Variants in TJP3 observed in about 807,000 individuals in gnomAD.
The protein encoded by TJP3 is tight junction protein ZO-3.
Under a neutral mutation model 104.2 loss-of-function variants are expected in TJP3, and 85 were observed. That is an observed-to-expected ratio of 0.82 (90% CI 0.68 to 0.98). The LOEUF (loss-of-function observed/expected upper bound fraction) is 0.98. Ranked by LOEUF, TJP3 falls within the 50% of genes least tolerant of loss-of-function variation. TJP3 has a pLI of 0.00. For synonymous variants in TJP3, 550 were observed against 550.6 expected (o/e 1.00, Z 0.02); for missense variants, 1,367 against 1,322.8 (o/e 1.03, Z -0.52).
chr19:3,716,801 A>ATATATATTTTTTT (rs1421328174), intron 1 of TJP3, among the ~76,000 whole-genome samples: 1 of 81,972 alleles, frequency 1.2e-5, no homozygotes, highest in African/African-American at 4.9e-5. Context: ...ATATATATAT[A>ATATATATTTTTTT]TTTTTTTTTT....
intron 1 of TJP3, among the ~76,000 whole-genome samples, chr19:3,711,551 A>G: frequency 6.6e-6 from 1 of 150,836 alleles, no homozygotes; most frequent in South Asian, 2.1e-4. Context: ...GCTTTATGAT[A>G]TTAAAGGATA....
At chr19:3,717,143 T>C (rs1323863073) in intron 1 of TJP3, among the ~76,000 whole-genome samples, 1 of 146,402 alleles carries the variant, frequency 6.8e-6, no homozygotes, top group Non-Finnish European at 1.5e-5. Context: ...TTTTGTATTT[T>C]TAGTAGAGAC....
Position 3,730,083 on chromosome 19 carries a change from G to C in TJP3, c.214G>C (p.Ala72Pro). The C allele has an allele frequency of 1.2e-6, 2 of 1,614,088 alleles. No individual in the cohort carries two copies. Among genetic ancestry groups the C allele is most frequent in the Non-Finnish European group, 1.7e-6 (2 of 1,180,018 alleles). Reference sequence around the variant, plus strand: ...GGTTTCCATGGAGAATGCCACCTCCGCGTTTGCCATTCAGATACTCAAGAC... The same window carrying C: ...GGTTTCCATGGAGAATGCCACCTCCCCGTTTGCCATTCAGATACTCAAGAC... ...NGVSMENATS[A>P]FAIQILKTCT... Residue 72 changes from alanine to proline, a missense_variant, in exon 4 of 21, where the codon GCG becomes CCG. Physicochemically the swap from Ala to Pro is conservative, Grantham distance 27 (BLOSUM62 -1). Transcript: ENST00000541714. This position sits in a 1 kb window ranked among gnomAD's most constrained non-coding sequence, Gnocchi z 7.3.
intron 1 of TJP3, among the ~76,000 whole-genome samples, chr19:3,719,973 T>C (rs1176101549): frequency 6.6e-6 from 1 of 152,182 alleles, no homozygotes; most frequent in Non-Finnish European, 1.5e-5. Context: ...CTCAAACTCC[T>C]GGCCTCAAGT....
chr19:3,727,045 C>A lies in TJP3; in HGVS notation c.-9-1379C>A, dbSNP rs564194082. Among the ~76,000 whole-genome samples, 196 of 151,944 alleles carry A rather than the reference C, an allele frequency of 1.3e-3. 3 individuals carry two copies. The highest frequency in any genetic ancestry group is 4.4e-3 in the African/African-American group (184 of 41,420). ...GAGGCTGCATTGAACCGTGATCACA[C>A]CACTGCACTCCAGCCTGAGTGACAG... On this transcript the variant is annotated intron_variant, in intron 1 of 20. Transcript: ENST00000541714.
chr19:3,738,651 A>C lies in TJP3; in HGVS notation c.1381A>C (p.Arg461=), dbSNP rs599587. Residue 461 remains arginine, a synonymous_variant, in exon 12 of 21, where the codon AGG becomes CGG. Coordinates refer to ENST00000541714, the MANE Select transcript of TJP3 (RefSeq NM_001267560.2). ...PGEEMELVTQ[R]KQDIFWKMVQ... is the part of the protein sequence containing the mutation. ...CGAGGAGATGGAGCTGGTGACGCAG[A>C]GGAAGCAGGACAGTGAGTGCGCGTG... 1,080,011 of 1,612,510 alleles carry C rather than the reference A, an allele frequency of 0.67. 363,210 individuals are homozygous for C. Among genetic ancestry groups the C allele is most frequent in the Admixed American group, 0.81 (48,493 of 59,962 alleles).
chr19:3,738,105 C>T (rs1281093451), intron 11 of TJP3, among the ~76,000 whole-genome samples: 1 of 101,210 alleles, frequency 9.9e-6, no homozygotes, highest in African/African-American at 3.8e-5. Context: ...TATTGTTGTC[C>T]CTGTCATGAC....
chr19:3,711,788 T>C (rs369252092), intron 1 of TJP3, among the ~76,000 whole-genome samples: 1 of 150,786 alleles, frequency 6.6e-6, no homozygotes, highest in Non-Finnish European at 1.5e-5. Context: ...TTAATTAATA[T>C]GGGAACCGGT....
rs1037582512 is a variant in TJP3, at chr19:3,746,376, T to A, written c.2011-109T>A. 1.9e-5 allele frequency: 23 copies of A among 1,238,760 alleles called. No homozygotes were observed. The South Asian group carries it at 2.1e-4, about 12-fold the overall frequency. The allele number at this position is 1,238,760 out of a possible 1,614,324, so 76.7% of individuals were successfully genotyped here. Reference sequence around the variant, plus strand: ...TCCCCAACTTGCTAGCCTGTGGATGTGAGAGGCTGGGGTCCACTCTGACCT... The same window carrying A: ...TCCCCAACTTGCTAGCCTGTGGATGAGAGAGGCTGGGGTCCACTCTGACCT... On this transcript the variant is annotated intron_variant, in intron 16 of 20. Transcript: ENST00000541714. This position sits in a 1 kb window ranked among gnomAD's most constrained non-coding sequence, Gnocchi z 4.1.
intron 13 of TJP3, 91 bp from the exon 14 acceptor site, chr19:3,740,461 G>A (rs116974840): frequency 0.032 from 24,792 of 767,230 alleles, 497 homozygotes; most frequent in Middle Eastern, 0.071. Context: ...AAAGTGGCCT[G>A]TCCACAGGCT....
chr19:3,733,945 G>C, intron 7 of TJP3, 33 bp downstream of exon 7: 1 of 1,604,144 alleles, frequency 6.2e-7, no homozygotes. Context: ...CTGGGAGGGG[G>C]TTGAATGGAT....
intron 1 of TJP3, among the ~76,000 whole-genome samples, chr19:3,726,057 C>T (rs1271319482): frequency 2.0e-5 from 3 of 152,264 alleles, no homozygotes; most frequent in Non-Finnish European, 2.9e-5. Flanking sequence ...TAAGAAAAGG[C>T]ACTGGAGCGC....
chr19:3,710,274 G>A (rs191757695), intron 1 of TJP3, among the ~76,000 whole-genome samples: 2 of 93,342 alleles, frequency 2.1e-5, no homozygotes, highest in African/African-American at 7.6e-5. Context: ...GAGCTATCCC[G>A]GTCCGAATCG....
chr19:3,741,736 A>C (rs1255595400), intron 14 of TJP3, among the ~76,000 whole-genome samples: 1 of 150,538 alleles, frequency 6.6e-6, no homozygotes, highest in African/African-American at 2.4e-5. Context: ...TGGGAGGCTG[A>C]GGCAGGTGGA....
At chr19:3,720,010 T>C (rs1418074754) in intron 1 of TJP3, among the ~76,000 whole-genome samples, 1 of 152,172 alleles carries the variant, frequency 6.6e-6, no homozygotes, top group Non-Finnish European at 1.5e-5. Context: ...TCTTCAAAGT[T>C]CTGGAATTAC....
Position 3,734,390 on chromosome 19 carries a change from G to A in TJP3, c.941G>A (p.Arg314Gln), listed in dbSNP as rs757955059. 93 of 1,612,790 alleles carry A rather than the reference G, an allele frequency of 5.8e-5. No homozygotes were observed. Among genetic ancestry groups the A allele is most frequent in the Non-Finnish European group, 7.4e-5 (87 of 1,179,844 alleles). ...APPSHIPPPP[R>Q]HAQRSPEASQ... Reference sequence around the variant, plus strand: ...CCATCCCACATCCCACCACCACCCCGGCATGCTCAGCGGAGCCCCGAGGCC... The same window carrying A: ...CCATCCCACATCCCACCACCACCCCAGCATGCTCAGCGGAGCCCCGAGGCC... The change falls in exon 8 of 21, where the codon CGG (arginine) becomes CAG (glutamine). Residue 314 changes from arginine to glutamine, a missense_variant. Coordinates refer to ENST00000541714, the MANE Select transcript of TJP3 (RefSeq NM_001267560.2).
At chr19:3,708,861 GTC>G (rs898154581) in intron 1 of TJP3, among the ~76,000 whole-genome samples, 6 of 152,160 alleles carry the variant, frequency 3.9e-5, no homozygotes, top group Admixed American at 3.9e-4. Context: ...GCACAGGTTG[GTC>G]TCTGATCCCC....
intron 1 of TJP3, among the ~76,000 whole-genome samples, chr19:3,710,669 T>TG (rs1362538025): frequency 6.6e-6 from 1 of 151,996 alleles, no homozygotes; most frequent in Non-Finnish European, 1.5e-5. Flanking sequence ...AAGCCTAGGC[T>TG]GGGGGGAGGG....
intron 1 of TJP3, among the ~76,000 whole-genome samples, chr19:3,712,452 A>T (rs568318219): frequency 6.6e-5 from 10 of 152,298 alleles, no homozygotes; most frequent in African/African-American, 2.4e-4. Context: ...AGTTAGAAGC[A>T]TGGAGAGGCA....
Sources: gnomAD v4.1 joint callset for allele counts (sites outside exome capture counted in the v4.1 genomes callset) on GRCh38, gnomAD v4.1.1 for gene constraint, Gnocchi (gnomAD v3.1) non-coding constraint, MANE v1.5 for transcripts, NCBI Gene and HGNC (gene_info 2026-07-23, HGNC 2026-07-21) for gene names.